The following PRDM16 variants were observed in gnomAD, a reference collection of about 807,000 sequenced individuals.
The protein encoded by PRDM16 is histone-lysine N-methyltransferase PRDM16.
Under a neutral mutation model 110.6 loss-of-function variants are expected in PRDM16, and 23 were observed. That is an observed-to-expected ratio of 0.21 (90% CI 0.15 to 0.29). The LOEUF is 0.29. Ranked by LOEUF, PRDM16 falls within the 10% of genes least tolerant of loss-of-function variation. The pLI is 1.00. For missense variants in PRDM16, 1,615 were observed against 1,794.3 expected (o/e 0.90, Z 1.81); for synonymous variants, 799 against 781.8 (o/e 1.02, Z -0.37).
In PRDM16 at chr1:3,382,505, C is replaced by A. The variant is rs1449875113; in HGVS notation, c.439-2647C>A. Among the ~76,000 whole-genome samples the A allele has an allele frequency of 1.3e-5, 2 of 152,228 alleles. No individual in the cohort carries two copies. The highest frequency in any genetic ancestry group is 6.5e-5 in the Admixed American group (1 of 15,286). On this transcript the variant is annotated intron_variant, in intron 3 of 16. Transcript: ENST00000270722. The surrounding 1 kb of genome is among the most constrained non-coding windows in gnomAD (Gnocchi z 6.6). ...AACACAGAGGCTGTCTCCCTGGGAA[C>A]CTGCCCTGAGTCCTGAACAGCAGGG...
intron 1 of PRDM16, among the ~76,000 whole-genome samples, chr1:3,180,044 G>C (rs576793899): frequency 6.6e-6 from 1 of 152,166 alleles, no homozygotes; most frequent in South Asian, 2.1e-4. Flanking sequence ...TCATACTTTT[G>C]ACCTTAGGTT....
rs752074172 is a variant in PRDM16, at chr1:3,412,474, G to C, written c.2277G>C (p.Arg759=). Residue 759 remains arginine, a synonymous_variant, in exon 9 of 17, where the codon CGG becomes CGC. Coordinates refer to ENST00000270722, the MANE Select transcript of PRDM16 (RefSeq NM_022114.4). ...LLVKAEPKSP[R]DALKVGGPSA... is the part of the protein sequence containing the mutation. ...TCAAGGCCGAGCCAAAGTCACCCCG[G>C]GACGCCCTCAAGGTGGGCGGCCCCA... The C allele has an allele frequency of 6.2e-7, 1 of 1,613,186 alleles. No homozygotes were observed.
intron 1 of PRDM16, among the ~76,000 whole-genome samples, chr1:3,137,012 C>G (rs1643452133): frequency 6.6e-6 from 1 of 152,182 alleles, no homozygotes; most frequent in African/African-American, 2.4e-5. Context: ...CCCCCAGGGT[C>G]CCATCACCGG....
chr1:3,259,508 C>T (rs1436295424), intron 3 of PRDM16, among the ~76,000 whole-genome samples: 2 of 152,198 alleles, frequency 1.3e-5, no homozygotes, highest in Non-Finnish European at 2.9e-5. Flanking sequence ...TTCCCCTCCA[C>T]ATAATCATGA....
intron 4 of PRDM16, chr1:3,394,628 G>A (rs1476086075): frequency 1.2e-5 from 4 of 333,098 alleles, no homozygotes; most frequent in African/African-American, 4.5e-5. Flanking sequence ...CCCAGGGCCC[G>A]GGCCAGGCCA....
Position 3,119,441 on chromosome 1 carries a change from C to T in PRDM16, c.37+50145C>T, listed in dbSNP as rs909122789. On this transcript the variant is annotated intron_variant, in intron 1 of 16. Coordinates refer to ENST00000270722, the MANE Select transcript of PRDM16 (RefSeq NM_022114.4). Reference sequence around the variant, plus strand: ...CCCATCCAGCCCTGGCCTCCACAGCCGCCTGGGCCAGGTTGGGGGACATGG... The same window carrying T: ...CCCATCCAGCCCTGGCCTCCACAGCTGCCTGGGCCAGGTTGGGGGACATGG... Among the ~76,000 whole-genome samples the T allele has an allele frequency of 5.9e-5, 9 of 152,354 alleles. No homozygotes were observed. The Middle Eastern group carries it at 0.01, about 173-fold the overall frequency.
In PRDM16 at chr1:3,186,183, C is replaced by T. The variant is rs1644265002; in HGVS notation, c.96C>T (p.His32=). ...YEPNRDLLAS[H]SAEDEAEDSA... is the part of the protein sequence containing the mutation. ...CCAACCGGGACCTGCTGGCCAGCCA[C>T]AGCGCGGAGGACGAGGCCGAGGACA... is the stretch of plus-strand genomic sequence containing the variant. Residue 32 remains histidine, a synonymous_variant, in exon 2 of 17, where the codon CAC becomes CAT. Coordinates refer to ENST00000270722, the MANE Select transcript of PRDM16 (RefSeq NM_022114.4). 2 of 1,612,916 alleles carry T rather than the reference C, an allele frequency of 1.2e-6. No homozygotes were observed. Among genetic ancestry groups the T allele is most frequent in the Non-Finnish European group, 8.5e-7 (1 of 1,179,980 alleles).
chr1:3,393,537 T>A lies in PRDM16; in HGVS notation c.574-2954T>A, dbSNP rs536261817. On this transcript the variant is annotated intron_variant, in intron 4 of 16. Transcript: ENST00000270722. ...AGGAAGGGGTCTGCAGTACAGTAAA[T>A]GCGCAATTTGTGACGCTCTCGAGCC... is the stretch of plus-strand genomic sequence containing the variant. Among the ~76,000 whole-genome samples, 36 of 152,270 alleles carry A rather than the reference T, an allele frequency of 2.4e-4. 1 individual carries two copies. The South Asian group carries it at 7.5e-3, about 32-fold the overall frequency.
rs34858929 is a variant in PRDM16 at position 3,157,422 on chromosome 1, TAAAAAA to T, written c.38-28688_38-28683del. 1.6e-5 allele frequency among the ~76,000 whole-genome samples: 2 copies of T among 122,182 alleles called. No homozygotes were observed. Among genetic ancestry groups the T allele is most frequent in the African/African-American group, 3.2e-5 (1 of 31,448 alleles). The allele number at this position is 122,182 out of a possible 152,430, so 80.2% of individuals were successfully genotyped here. A position where few individuals can be genotyped will look rare whatever the true frequency, so the allele number is the denominator to read the frequency against. On this transcript the variant is annotated intron_variant, in intron 1 of 16. Transcript: ENST00000270722. This position sits in a 1 kb window ranked among gnomAD's most constrained non-coding sequence, Gnocchi z 4.8. ...GCTCCCAGGCCTTTTGCGATCCCAT[TAAAAAA>T]AAAAAAAAAAAAAACACCTTTGTGG... is the stretch of plus-strand genomic sequence containing the variant.
intron 1 of PRDM16, among the ~76,000 whole-genome samples, chr1:3,083,023 G>A (rs572351358): frequency 1.4e-4 from 21 of 152,184 alleles, no homozygotes; most frequent in Admixed American, 9.8e-4. Context: ...CACCCGGAAC[G>A]CTCGCCTGTG....
Position 3,358,301 on chromosome 1 carries a change from G to A in PRDM16, c.439-26851G>A, listed in dbSNP as rs77489645. 8.8e-3 allele frequency among the ~76,000 whole-genome samples: 1,340 copies of A among 152,328 alleles called. 14 individuals carry two copies. The highest frequency in any genetic ancestry group is 0.031 in the African/African-American group (1,284 of 41,572). On this transcript the variant is annotated intron_variant, in intron 3 of 16. Transcript: ENST00000270722. This position sits in a 1 kb window ranked among gnomAD's most constrained non-coding sequence, Gnocchi z 4.0. ...CTGCCTGCTGGGGAACCGTAGTTAC[G>A]CAGGTCCTGAACTGGGTCTTCTCTG...
intron 8 of PRDM16, 64 bp from the exon 9 acceptor site, chr1:3,411,320 C>T (rs773786574): frequency 6.8e-5 from 104 of 1,520,596 alleles, no homozygotes; most frequent in Non-Finnish European, 8.9e-5. Flanking sequence ...TTTCATGTGG[C>T]GTTTTCAGCA....
intron 3 of PRDM16, among the ~76,000 whole-genome samples, chr1:3,343,931 G>A (rs188890734): frequency 5.9e-4 from 90 of 152,230 alleles, no homozygotes; most frequent in African/African-American, 1.9e-3. Context: ...GTGAGCCACC[G>A]CTCCCAGCCT....
At chr1:3,404,484 G>C (rs1643526239) in intron 6 of PRDM16, among the ~76,000 whole-genome samples, 1 of 152,248 alleles carries the variant, frequency 6.6e-6, no homozygotes, top group Non-Finnish European at 1.5e-5. Flanking sequence ...AGCCGCCCTG[G>C]GGGTGGTCTT....
intron 3 of PRDM16, among the ~76,000 whole-genome samples, chr1:3,277,787 GCA>G (rs1001941849): frequency 2.6e-5 from 3 of 114,004 alleles, no homozygotes; most frequent in Non-Finnish European, 4.9e-5. Context: ...GCACACATAT[GCA>G]CACACAAACG....
intron 3 of PRDM16, among the ~76,000 whole-genome samples, chr1:3,250,255 G>A (rs1365014563): frequency 7.2e-5 from 11 of 152,002 alleles, no homozygotes; most frequent in Non-Finnish European, 1.2e-4. Context: ...CACAGCTCCC[G>A]TGGCCTCCAA....
chr1:3,136,032 G>A (rs550774465), intron 1 of PRDM16, among the ~76,000 whole-genome samples: 11 of 152,228 alleles, frequency 7.2e-5, no homozygotes, highest in African/African-American at 2.4e-4. Flanking sequence ...TGTTTGGCTC[G>A]CTTTGTCCGG....
At chr1:3,305,492 T>C (rs917670212) in intron 3 of PRDM16, among the ~76,000 whole-genome samples, 1 of 152,244 alleles carries the variant, frequency 6.6e-6, no homozygotes, top group Non-Finnish European at 1.5e-5. Context: ...GATGCTCCTT[T>C]GGTGACCATT....
intron 1 of PRDM16, among the ~76,000 whole-genome samples, chr1:3,146,388 C>G (rs1311435957): frequency 6.6e-6 from 1 of 152,270 alleles, no homozygotes; most frequent in East Asian, 1.9e-4. Context: ...AAATGATCTG[C>G]TTAAAACCAT....
Sources: gnomAD v4.1 joint callset for allele counts (sites outside exome capture counted in the v4.1 genomes callset) on GRCh38, gnomAD v4.1.1 for gene constraint, Gnocchi (gnomAD v3.1) non-coding constraint, MANE v1.5 for transcripts, NCBI Gene and HGNC (gene_info 2026-07-23, HGNC 2026-07-21) for gene names.